FLNC: variants seen among roughly 807,000 people sequenced by gnomAD.
The protein encoded by FLNC is filamin C.
FLNC carries 91 observed loss-of-function variants against 254.3 expected under a neutral mutation model. The observed-to-expected ratio is 0.36, with a 90% CI of 0.30 to 0.43. The LOEUF is 0.43. Ranked by LOEUF, FLNC falls within the 20% of genes least tolerant of loss-of-function variation. The probability of loss-of-function intolerance (pLI) is 1.00; values close to 1 mark genes in which losing one functional copy is unlikely to be tolerated. For missense variants in FLNC, 2,853 were observed against 3,802.6 expected, an observed-to-expected ratio of 0.75 and a Z score of 6.57; for synonymous variants, 1,430 against 1,577.2, an observed-to-expected ratio of 0.91 and a Z score of 2.21.
intron 32 of FLNC, 65 bp from the exon 33 acceptor site, chr7:128,850,738 T>C: frequency 6.2e-7 from 1 of 1,609,728 alleles, no homozygotes; most frequent in Non-Finnish European, 8.5e-7. Context: ...GGACCAGGCC[T>C]GGGACAGCAG....
intron 2 of FLNC, 29 bp from the exon 3 acceptor site, chr7:128,837,131 A>T: frequency 6.6e-7 from 1 of 1,505,446 alleles, no homozygotes; most frequent in Non-Finnish European, 9.1e-7. Context: ...GCTGCCCCTC[A>T]CCATCGTCTC....
intron 28 of FLNC, 86 bp from the exon 29 acceptor site, chr7:128,849,095 G>T: frequency 6.3e-7 from 1 of 1,578,452 alleles, no homozygotes. Context: ...ACATGCCCTA[G>T]CCCTGGCCCC....
chr7:128,846,087 G>A lies in FLNC; in HGVS notation c.3888G>A (p.Ser1296=), dbSNP rs374182158. The A allele has an allele frequency of 8.1e-6, 13 of 1,613,814 alleles. No homozygotes were observed. The East Asian group carries it at 1.3e-4, about 17-fold the overall frequency. The change falls in exon 22 of 48, where the codon TCG becomes TCA. Residue 1296 remains serine, a synonymous_variant. Coordinates refer to ENST00000325888, the MANE Select transcript of FLNC (RefSeq NM_001458.5). ...NHVTARVLNP[S]GAKTDTYVTD... Reference sequence around the variant, plus strand: ...TGACGGCTCGTGTGCTCAACCCCTCGGGGGCCAAGACAGACACCTATGTGA... The same window carrying A: ...TGACGGCTCGTGTGCTCAACCCCTCAGGGGCCAAGACAGACACCTATGTGA...
rs1200190390 is a variant in FLNC at position 128,835,970 on chromosome 7, A to G, written c.601+396A>G. 3.9e-5 allele frequency among the ~76,000 whole-genome samples: 6 copies of G among 152,176 alleles called. No homozygotes were observed. Among genetic ancestry groups the G allele is most frequent in the Non-Finnish European group, 7.3e-5 (5 of 68,030 alleles). On this transcript the variant is annotated intron_variant, in intron 2 of 47. Transcript: ENST00000325888. This position sits in a 1 kb window ranked among gnomAD's most constrained non-coding sequence, Gnocchi z 5.3. ...ATTCCTGCCGAGCTGAGAGAGAGGC[A>G]GTGTGGTGACCAGGACTTGTAGCAA...
rs746217788 is a variant in FLNC at position 128,846,157 on chromosome 7, G to A, written c.3958G>A (p.Glu1320Lys). The change falls in exon 22 of 48, where the codon GAG (glutamate) becomes AAG (lysine). Residue 1320 changes from glutamate (E) to lysine (K), a missense_variant. Physicochemically the swap from Glu to Lys is moderately conservative, Grantham distance 56. Transcript: ENST00000325888. ...CTACCGAGTGCAGTACACCGCCTAC[G>A]AGGAGGGTGAGGGCCGGTGGGCCAG... Reference protein sequence around the residue: ...GTYRVQYTAYEEGVHLVEVLY... With the variant: ...GTYRVQYTAYKEGVHLVEVLY... The A allele has an allele frequency of 6.8e-6, 11 of 1,612,932 alleles. No individual in the cohort carries two copies. Among genetic ancestry groups the A allele is most frequent in the African/African-American group, 1.3e-5 (1 of 74,470 alleles).
rs1246735974 is a variant in FLNC at position 128,835,028 on chromosome 7, A to G, written c.353-298A>G. Among the ~76,000 whole-genome samples the G allele has an allele frequency of 6.6e-6, 1 of 152,200 alleles. No individual in the cohort carries two copies. Among genetic ancestry groups the G allele is most frequent in the Non-Finnish European group, 1.5e-5 (1 of 68,036 alleles). ...TGCCCTGGGAGCCTTACAATCCCAC[A>G]AGGCCAGAAAGAAACCAGGTAATTA... is the stretch of plus-strand genomic sequence containing the variant. On this transcript the variant is annotated intron_variant, in intron 1 of 47. Transcript: ENST00000325888. This position sits in a 1 kb window ranked among gnomAD's most constrained non-coding sequence, Gnocchi z 5.3.
Position 128,847,647 on chromosome 7 carries a change from G to A in FLNC, c.4289-50G>A, listed in dbSNP as rs373567890. 2.7e-4 allele frequency: 428 copies of A among 1,608,812 alleles called. 2 individuals carry two copies. The highest frequency in any genetic ancestry group is 2.6e-3 in the South Asian group (236 of 90,970). ...CTCCTCCGAGGCTCCTCAGCATCAG[G>A]GGGACCCATCAGGGCTGGTGGGCAG... On this transcript the variant is annotated intron_variant, in intron 24 of 47. Coordinates refer to ENST00000325888, the MANE Select transcript of FLNC (RefSeq NM_001458.5).
At position 128,840,419 on chromosome 7, in the gene FLNC, C is replaced by CCCTG. The variant is rs1367048369; in HGVS notation, c.1550-129_1550-128insCCTG. ...GACAAGTGTTCCCTGCCCTGAGTTG[C>CCCTG]AGCACTGCTCACTACAGCACTGCCC... On this transcript the variant is annotated intron_variant, in intron 9 of 47. Coordinates refer to ENST00000325888, the MANE Select transcript of FLNC (RefSeq NM_001458.5). The CCCTG allele has an allele frequency of 3.8e-4, 471 of 1,251,178 alleles. 4 individuals carry two copies. The African/African-American group carries it at 5.9e-3, about 16-fold the overall frequency. The allele number at this position is 1,251,178 out of a possible 1,614,324, so 77.5% of individuals were successfully genotyped here.
rs751341382 is a variant in FLNC at position 128,850,869 on chromosome 7, T to C, written c.5465T>C (p.Ile1822Thr). 6.2e-7 allele frequency: 1 copy of C among 1,612,788 alleles called. No homozygotes were observed. Among genetic ancestry groups the C allele is most frequent in the African/African-American group, 1.3e-5 (1 of 74,594 alleles). The change falls in exon 33 of 48, where the codon ATC (isoleucine) becomes ACC (threonine). Residue 1822 changes from isoleucine (I) to threonine (T), a missense_variant. By Grantham distance (89) the Ile-to-Thr change is moderately conservative. This residue lies in a region of FLNC where 258 missense variants were observed against 312.3 expected (regional missense o/e 0.83). Transcript: ENST00000325888. ...PNITDNKDGTITVRYAPTEKG... is the reference protein window; with the variant it reads ...PNITDNKDGTTTVRYAPTEKG... The stretch of plus-strand genomic sequence containing the variant: ...ATCACCGACAACAAGGACGGCACCA[T>C]CACGGTGAGGTATGCACCCACTGAG...
Position 128,858,412 on chromosome 7 carries a change from C to G in FLNC, c.8067C>G (p.Asn2689Lys). 6.2e-7 allele frequency: 1 copy of G among 1,607,056 alleles called. No individual in the cohort carries two copies. Among genetic ancestry groups the G allele is most frequent in the Non-Finnish European group, 8.5e-7 (1 of 1,174,112 alleles). ...AGGTGTACGTGAAGCACATGGGGAA[C>G]CGGGTGTACAATGTCACCTACACTG... is the stretch of plus-strand genomic sequence containing the variant. ...CEEVYVKHMG[N>K]RVYNVTYTVK... The change falls in exon 48 of 48, where the codon AAC becomes AAG. Residue 2689 changes from asparagine (N) to lysine (K), a missense_variant. This residue lies in a region of FLNC where 197 missense variants were observed against 351.5 expected (regional missense o/e 0.56). Transcript: ENST00000325888. The surrounding 1 kb of genome is among the most constrained non-coding windows in gnomAD (Gnocchi z 6.7).
rs774607151 is a variant in FLNC at position 128,841,442 on chromosome 7, C to T, written c.2008-12C>T. On this transcript the variant is annotated splice_polypyrimidine_tract_variant and intron_variant, in intron 12 of 47. Transcript: ENST00000325888. The surrounding 1 kb of genome is among the most constrained non-coding windows in gnomAD (Gnocchi z 4.3). Reference sequence around the variant, plus strand: ...CTCCCCTCCCCAACTCAGCCTTCTTCCCTCCGCACAGGTGAAGGCCTTTGG... The same window carrying T: ...CTCCCCTCCCCAACTCAGCCTTCTTTCCTCCGCACAGGTGAAGGCCTTTGG... 6.2e-7 allele frequency: 1 copy of T among 1,613,534 alleles called. No homozygotes were observed. Among genetic ancestry groups the T allele is most frequent in the African/African-American group, 1.3e-5 (1 of 74,940 alleles).
Position 128,854,178 on chromosome 7 carries a change from G to A in FLNC, c.6689G>A (p.Arg2230His), listed in dbSNP as rs376035195. The A allele has an allele frequency of 5.0e-5, 80 of 1,609,216 alleles. No homozygotes were observed. Among genetic ancestry groups the A allele is most frequent in the African/African-American group, 2.0e-4 (15 of 74,860 alleles). Residue 2230 changes from arginine (R) to histidine (H), a missense_variant, in exon 40 of 48, where the codon CGC (arginine) becomes CAC (histidine). Coordinates refer to ENST00000325888, the MANE Select transcript of FLNC (RefSeq NM_001458.5). ...AVFGDFLGRERLGSFGSITRQ... is the reference protein window; with the variant it reads ...AVFGDFLGREHLGSFGSITRQ... Reference sequence around the variant, plus strand: ...TTTGGGGACTTCCTGGGCCGGGAGCGCCTGGGATCCTTCGGCAGCATCACC... The same window carrying A: ...TTTGGGGACTTCCTGGGCCGGGAGCACCTGGGATCCTTCGGCAGCATCACC...
Position 128,855,314 on chromosome 7 carries a change from G to C in FLNC, c.7251G>C (p.Gln2417His). 1 of 1,604,678 alleles carries C rather than the reference G, an allele frequency of 6.2e-7. No homozygotes were observed. The highest frequency in any genetic ancestry group is 8.5e-7 in the Non-Finnish European group (1 of 1,172,000). The stretch of plus-strand genomic sequence containing the variant: ...GCCGTCTCACTGTCACCAGCCTCCA[G>C]GTTTGTGCCCAGGGTGGGGGTGGAG... ...DARRLTVTSL[Q>H]ETGLKVNQPA... The change falls in exon 43 of 48, where the codon CAG becomes CAC. Residue 2417 changes from glutamine (Q) to histidine (H), a missense_variant and splice_region_variant. By Grantham distance (24) the Gln-to-His change is conservative. This residue lies in a region of FLNC where 551 missense variants were observed against 835.0 expected (regional missense o/e 0.66). Transcript: ENST00000325888.
In FLNC at chr7:128,842,166, T is replaced by A; in HGVS notation, c.2122-65T>A. 1 of 1,566,126 alleles carries A rather than the reference T, an allele frequency of 6.4e-7. No individual in the cohort carries two copies. Among genetic ancestry groups the A allele is most frequent in the Non-Finnish European group, 8.7e-7 (1 of 1,147,144 alleles). On this transcript the variant is annotated intron_variant, in intron 13 of 47. Transcript: ENST00000325888. This position sits in a 1 kb window ranked among gnomAD's most constrained non-coding sequence, Gnocchi z 5.4. ...TGGGAAAGGAGGCGCTGGGTTCACCTGCGGCCAGCAGAGGGCGCTCTGCAG... is the reference window on the plus strand; with the variant it reads ...TGGGAAAGGAGGCGCTGGGTTCACCAGCGGCCAGCAGAGGGCGCTCTGCAG...
At position 128,843,999 on chromosome 7, in the gene FLNC, C is replaced by A. The variant is rs371599113; in HGVS notation, c.2930-5C>A. The A allele has an allele frequency of 6.2e-7, 1 of 1,614,034 alleles. No homozygotes were observed. Among genetic ancestry groups the A allele is most frequent in the Non-Finnish European group, 8.5e-7 (1 of 1,180,054 alleles). On this transcript the variant is annotated splice_polypyrimidine_tract_variant and splice_region_variant and intron_variant, in intron 19 of 47. Transcript: ENST00000325888. Reference sequence around the variant, plus strand: ...TCCTCATGGTGTCACTTGCCCTCCACGCAGAGGTGGCTGTGGGACAGGAAC... The same window carrying A: ...TCCTCATGGTGTCACTTGCCCTCCAAGCAGAGGTGGCTGTGGGACAGGAAC...
chr7:128,852,469 C>T, intron 35 of FLNC, 122 bp from the exon 36 acceptor site: 1 of 1,153,088 alleles, frequency 8.7e-7, no homozygotes, highest in Non-Finnish European at 1.3e-6. Context: ...CCTCCGTGCA[C>T]CTGGGAGTGG....
chr7:128,839,440 T>C (rs1487147868), intron 8 of FLNC, among the ~76,000 whole-genome samples: 1 of 152,186 alleles, frequency 6.6e-6, no homozygotes, highest in East Asian at 1.9e-4. Flanking sequence ...ATGTGTCGTG[T>C]CCTGTTTCGT....
rs1360167769 is a variant in FLNC at position 128,838,761 on chromosome 7, GC to G, written c.1374del (p.Ile459SerfsTer33). On this transcript the variant is annotated frameshift_variant, in exon 8 of 48. Coordinates refer to ENST00000325888, the MANE Select transcript of FLNC (RefSeq NM_001458.5). LOFTEE classifies it high-confidence loss of function. ...TACCGTGCATGTGGCCTTTGCGGGT[GC>G]CCCCATCACCCGCAGTCCCTTCCCT... ...PHTVHVAFAG[A>X]PITRSPFPVH... 1 of 1,612,960 alleles carries G rather than the reference GC, an allele frequency of 6.2e-7. No individual in the cohort carries two copies. The highest frequency in any genetic ancestry group is 2.2e-5 in the East Asian group (1 of 44,862).
rs200942470 is a variant in FLNC at position 128,846,751 on chromosome 7, G to C, written c.4134G>C (p.Ala1378=). ...ANRFTVETRG[A]GTGGLGLAIE... Reference sequence around the variant, plus strand: ...GGGGGATGTTATCTCTCAGGGGAGCGGGCACCGGGGGCCTTGGCCTAGCCA... The same window carrying C: ...GGGGGATGTTATCTCTCAGGGGAGCCGGCACCGGGGGCCTTGGCCTAGCCA... Residue 1378 remains alanine (A), a synonymous_variant, in exon 24 of 48, where the codon GCG becomes GCC. Coordinates refer to ENST00000325888, the MANE Select transcript of FLNC (RefSeq NM_001458.5). 5 of 1,613,888 alleles carry C rather than the reference G, an allele frequency of 3.1e-6. No homozygotes were observed. The South Asian group carries it at 4.4e-5, about 14-fold the overall frequency.
Sources: gnomAD v4.1 joint callset for allele counts (sites outside exome capture counted in the v4.1 genomes callset) on GRCh38, gnomAD v4.1.1 for gene constraint, gnomAD v4.1.1 regional missense constraint, Gnocchi (gnomAD v3.1) non-coding constraint, MANE v1.5 for transcripts, NCBI Gene and HGNC (gene_info 2026-07-23, HGNC 2026-07-21) for gene names.